NTRK2: variants seen among roughly 807,000 people sequenced by gnomAD.
The protein encoded by NTRK2 is BDNF/NT-3 growth factors receptor.
Under a neutral mutation model 94.5 loss-of-function variants are expected in NTRK2, and 13 were observed. The ratio of observed to expected loss-of-function variants is 0.14; its 90% CI spans 0.09 to 0.22. The LOEUF (loss-of-function observed/expected upper bound fraction) is 0.22. Ranked by LOEUF, NTRK2 falls within the 10% of genes least tolerant of loss-of-function variation. The pLI is 1.00. For synonymous variants in NTRK2, 372 were observed against 407.4 expected (o/e 0.91, Z 1.05); for missense variants, 639 against 1,071.2 (o/e 0.60, Z 5.63).
intron 14 of NTRK2, among the ~76,000 whole-genome samples, chr9:84,922,576 C>T (rs1304102974): frequency 6.6e-6 from 1 of 152,162 alleles, no homozygotes. Context: ...TTTCCAGCTG[C>T]ATAACTTTGG....
chr9:85,010,462 C>T (rs1370080237), intron 17 of NTRK2, among the ~76,000 whole-genome samples: 1 of 152,140 alleles, frequency 6.6e-6, no homozygotes, highest in African/African-American at 2.4e-5. Context: ...AGCTCGGTAA[C>T]ATTGAACATT....
chr9:84,933,718 ACT>A (rs1472383982), intron 14 of NTRK2, among the ~76,000 whole-genome samples: 1 of 152,184 alleles, frequency 6.6e-6, no homozygotes, highest in Middle Eastern at 3.4e-3. Flanking sequence ...GTATCCTCTG[ACT>A]CTGTCTCCCT....
intron 2 of NTRK2, among the ~76,000 whole-genome samples, chr9:84,674,282 G>T (rs997555827): frequency 6.6e-6 from 1 of 152,042 alleles, no homozygotes; most frequent in African/African-American, 2.4e-5. Flanking sequence ...CTCTGATTTG[G>T]GGGTAATATT....
At chr9:84,810,934 C>T (rs201659063) in intron 12 of NTRK2, 4 of 1,159,580 alleles carry the variant, frequency 3.4e-6, no homozygotes, top group Non-Finnish European at 4.3e-6. Flanking sequence ...CCCTACTGGA[C>T]ATTTATTGAC....
At chr9:84,981,347 C>G (rs1292105912) in intron 17 of NTRK2, among the ~76,000 whole-genome samples, 3 of 152,036 alleles carry the variant, frequency 2.0e-5, no homozygotes, top group Non-Finnish European at 4.4e-5. Context: ...AGTGGTCCAC[C>G]CACCTCGGCT....
At chr9:84,826,918 G>A (rs2131626071) in intron 12 of NTRK2, among the ~76,000 whole-genome samples, 2 of 152,284 alleles carry the variant, frequency 1.3e-5, no homozygotes, top group Middle Eastern at 6.8e-3. Flanking sequence ...GAATAAACAG[G>A]TGTTCAGATC....
At position 84,817,855 on chromosome 9, in the gene NTRK2, A is replaced by G. The variant is rs573687163; in HGVS notation, c.1397-43185A>G. Among the ~76,000 whole-genome samples the G allele has an allele frequency of 7.2e-5, 11 of 152,334 alleles. No individual in the cohort carries two copies. The South Asian group carries it at 2.1e-3, about 29-fold the overall frequency. ...GGCCACACATGATTGGCCTAGTTGG[A>G]ACTACTTCATGTTTGAAGTCATAAA... On this transcript the variant is annotated intron_variant, in intron 12 of 18. Coordinates refer to ENST00000277120, the MANE Select transcript of NTRK2 (RefSeq NM_006180.6).
intron 12 of NTRK2, among the ~76,000 whole-genome samples, chr9:84,860,475 ATC>A (rs1169169396): frequency 6.6e-6 from 1 of 152,100 alleles, no homozygotes; most frequent in African/African-American, 2.4e-5. Flanking sequence ...TCCCTCCTGA[ATC>A]TCTATCTAGC....
chr9:84,837,412 C>A (rs550409347), intron 12 of NTRK2, among the ~76,000 whole-genome samples: 1 of 152,282 alleles, frequency 6.6e-6, no homozygotes, highest in Non-Finnish European at 1.5e-5. Flanking sequence ...AATGGTCTGA[C>A]TTTGCTGTGC....
chr9:84,749,865 A>G (rs772394082), intron 11 of NTRK2, among the ~76,000 whole-genome samples: 2 of 152,190 alleles, frequency 1.3e-5, no homozygotes, highest in South Asian at 2.1e-4. Context: ...TGAGATGGGT[A>G]TATCAGTCAG....
At position 84,708,871 on chromosome 9, in the gene NTRK2, C is replaced by CAGGAA. The variant is rs2061265004; in HGVS notation, c.428+959_428+960insAGGAA. ...AAAGTGAATTCAGGACGTTGAAGCA[C>CAGGAA]TAATGCTTCTAACACAGGAATAGGC... On this transcript the variant is annotated intron_variant, in intron 5 of 18. Coordinates refer to ENST00000277120, the MANE Select transcript of NTRK2 (RefSeq NM_006180.6). Among the ~76,000 whole-genome samples, 7 of 152,300 alleles carry CAGGAA rather than the reference C, an allele frequency of 4.6e-5. No homozygotes were observed. In the South Asian group the frequency reaches 1.4e-3, roughly 32 times the overall value.
intron 14 of NTRK2, chr9:84,872,956 T>C (rs2075920242): frequency 9.4e-7 from 1 of 1,064,970 alleles, no homozygotes; most frequent in Non-Finnish European, 1.1e-6. Context: ...AGGTGATATT[T>C]TTCACAGAAC....
At chr9:84,956,371 C>T (rs1054572741) in intron 17 of NTRK2, among the ~76,000 whole-genome samples, 20 of 152,178 alleles carry the variant, frequency 1.3e-4, no homozygotes, top group South Asian at 8.3e-4. Flanking sequence ...AACTGGCCCC[C>T]GGGATATGTT....
intron 14 of NTRK2, among the ~76,000 whole-genome samples, chr9:84,930,604 G>C (rs972110610): frequency 2.0e-5 from 3 of 152,174 alleles, no homozygotes; most frequent in Admixed American, 6.5e-5. Context: ...ATTTAAATCA[G>C]GGAGGTAAAG....
chr9:84,869,665 C>T (rs568300027), intron 14 of NTRK2, among the ~76,000 whole-genome samples: 1 of 152,182 alleles, frequency 6.6e-6, no homozygotes, highest in Non-Finnish European at 1.5e-5. Context: ...AGACTGTAAG[C>T]TCTTGGAGAG....
In NTRK2 at chr9:84,670,950, A is replaced by T. The variant is rs748182988; in HGVS notation, c.202A>T (p.Ile68Phe). The T allele has an allele frequency of 6.3e-7, 1 of 1,585,870 alleles. No homozygotes were observed. Among genetic ancestry groups the T allele is most frequent in the African/African-American group, 1.5e-5 (1 of 68,964 alleles). The change falls in exon 2 of 19, where the codon ATC (isoleucine) becomes TTC (phenylalanine). Residue 68 changes from isoleucine to phenylalanine, a missense_variant. Physicochemically the swap from Ile to Phe is conservative, Grantham distance 21. Transcript: ENST00000277120. ...GCCTAACAGTGTAGATCCTGAGAAC[A>T]TCACCGAAATGTGAGTTCCTGGAGC... ...LEPNSVDPEN[I>F]TEIFIANQKR...
intron 12 of NTRK2, among the ~76,000 whole-genome samples, chr9:84,819,382 T>TG (rs1484529001): frequency 6.6e-6 from 1 of 152,164 alleles, no homozygotes; most frequent in Non-Finnish European, 1.5e-5. Flanking sequence ...ACCTTACCTG[T>TG]GGAGAGTTCT....
rs750066853 is a variant in NTRK2, at chr9:84,670,907, G to A, written c.159G>A (p.Val53=). ...GCAGCGACCCTTCTCCTGGCATCGTGGCATTTCCGAGATTGGAGCCTAACA... is the reference window on the plus strand; with the variant it reads ...GCAGCGACCCTTCTCCTGGCATCGTAGCATTTCCGAGATTGGAGCCTAACA... ...IWCSDPSPGI[V]AFPRLEPNSV... Residue 53 remains valine, a synonymous_variant, in exon 2 of 19, where the codon GTG becomes GTA. Transcript: ENST00000277120. 16 of 1,611,244 alleles carry A rather than the reference G, an allele frequency of 9.9e-6. No homozygotes were observed. The South Asian group carries it at 1.8e-4, about 18-fold the overall frequency.
chr9:84,941,063 C>T lies in NTRK2; in HGVS notation c.1764+6771C>T, dbSNP rs756635894. ...AAAAAAATAGTTTGTGTCAACATGACGTAATGTTGCACAAAGCACTGCAAC... is the reference window on the plus strand; with the variant it reads ...AAAAAAATAGTTTGTGTCAACATGATGTAATGTTGCACAAAGCACTGCAAC... On this transcript the variant is annotated intron_variant, in intron 15 of 18. Coordinates refer to ENST00000277120, the MANE Select transcript of NTRK2 (RefSeq NM_006180.6). Among the ~76,000 whole-genome samples, 8 of 152,266 alleles carry T rather than the reference C, an allele frequency of 5.3e-5. No homozygotes were observed. In the East Asian group the frequency reaches 5.8e-4, roughly 11 times the overall value.
Sources: allele counts gnomAD v4.1 joint callset (sites outside exome capture counted in the v4.1 genomes callset), GRCh38; gene constraint gnomAD v4.1.1; transcripts MANE v1.5; gene names NCBI Gene and HGNC (gene_info 2026-07-23, HGNC 2026-07-21).